NFKB1: variants seen among roughly 807,000 people sequenced by gnomAD.
The protein encoded by NFKB1 is nuclear factor NF-kappa-B p105 subunit.
A neutral mutation model predicts 105.1 loss-of-function variants in NFKB1; 9 were observed. The observed-to-expected ratio is 0.09, with a 90% CI of 0.05 to 0.15. The LOEUF (loss-of-function observed/expected upper bound fraction) is 0.15, where lower values mean the gene tolerates loss of function less well. NFKB1 is among the 10% of genes least tolerant of loss of function. NFKB1 has a pLI of 1.00. For missense variants in NFKB1, 830 were observed against 1,203.7 expected, an observed-to-expected ratio of 0.69 and a Z score of 4.59; for synonymous variants, 440 against 442.2, an observed-to-expected ratio of 1.00 and a Z score of 0.06.
chr4:102,523,771 A>G (rs1461681272), intron 1 of NFKB1, among the ~76,000 whole-genome samples: 3 of 152,204 alleles, frequency 2.0e-5, no homozygotes, highest in African/African-American at 7.2e-5. Flanking sequence ...TCCATGTCTG[A>G]GTTTTTATGG....
intron 6 of NFKB1, among the ~76,000 whole-genome samples, chr4:102,570,029 A>G (rs1364742735): frequency 4.6e-5 from 7 of 152,128 alleles, no homozygotes; most frequent in Non-Finnish European, 8.8e-5. Flanking sequence ...TAGTTCGTTG[A>G]CATTTTTATT....
At chr4:102,583,452 G>A (rs901814120) in intron 10 of NFKB1, among the ~76,000 whole-genome samples, 5 of 152,106 alleles carry the variant, frequency 3.3e-5, no homozygotes, top group Admixed American at 1.3e-4. Context: ...CTGTTAGATC[G>A]TTTGCTCTGA....
chr4:102,511,756 G>A (rs1048210357), intron 1 of NFKB1, among the ~76,000 whole-genome samples: 10 of 152,268 alleles, frequency 6.6e-5, no homozygotes, highest in Admixed American at 5.2e-4. Flanking sequence ...AGCTAAAAAA[G>A]TACACAAATA....
intron 5 of NFKB1, among the ~76,000 whole-genome samples, chr4:102,566,435 C>G (rs1723875511): frequency 6.6e-6 from 1 of 152,302 alleles, no homozygotes; most frequent in South Asian, 2.1e-4. Context: ...TAAGAGATGA[C>G]TGGAGGCCAA....
rs532250312 is a variant in NFKB1 at position 102,510,963 on chromosome 4, A to G, written c.-8+9175A>G. Reference sequence around the variant, plus strand: ...AAGAACCACCAGGTAAACTAAAAAGAAAAAGAGTGTTAAAAAGTCAGCCTT... The same window carrying G: ...AAGAACCACCAGGTAAACTAAAAAGGAAAAGAGTGTTAAAAAGTCAGCCTT... On this transcript the variant is annotated intron_variant, in intron 1 of 23. Transcript: ENST00000226574. 227 of 1,282,378 alleles carry G rather than the reference A, an allele frequency of 1.8e-4. 2 individuals carry two copies. The South Asian group carries it at 2.7e-3, about 15-fold the overall frequency. The allele number at this position is 1,282,378 out of a possible 1,614,324, so 79.4% of individuals were successfully genotyped here.
At chr4:102,546,250 A>C (rs1578745937) in intron 5 of NFKB1, among the ~76,000 whole-genome samples, 1 of 152,120 alleles carries the variant, frequency 6.6e-6, no homozygotes, top group East Asian at 1.9e-4. Flanking sequence ...ATTGGTTAAC[A>C]CCTGACTCCA....
intron 5 of NFKB1, among the ~76,000 whole-genome samples, chr4:102,562,197 C>T (rs961120142): frequency 3.9e-5 from 6 of 152,130 alleles, no homozygotes; most frequent in Non-Finnish European, 5.9e-5. Flanking sequence ...CCTTTGGCCT[C>T]ACCCACCCCC....
chr4:102,609,610 T>TG (rs1728199031), intron 19 of NFKB1, among the ~76,000 whole-genome samples: 2 of 33,144 alleles, frequency 6.0e-5, no homozygotes, highest in Non-Finnish European at 9.4e-5. Flanking sequence ...AGACTCCATC[T>TG]CAAAAAAAAA....
intron 10 of NFKB1, 120 bp from the exon 11 acceptor site, chr4:102,584,562 C>A: frequency 1.1e-6 from 1 of 952,156 alleles, no homozygotes; most frequent in South Asian, 2.7e-5. Context: ...TTTTTTAGTA[C>A]ACTGTGTCTA....
rs1358758777 is a variant in NFKB1 at position 102,555,479 on chromosome 4, G to A, written c.259-11508G>A. Among the ~76,000 whole-genome samples, 7 of 152,296 alleles carry A rather than the reference G, an allele frequency of 4.6e-5. 1 individual carries two copies. The South Asian group carries it at 1.5e-3, about 32-fold the overall frequency. ...AATACCTGAATCACCAGCATAACCA[G>A]CACCTGCGGCTGCCATGTGGGAATT... On this transcript the variant is annotated intron_variant, in intron 5 of 23. Coordinates refer to ENST00000226574, the MANE Select transcript of NFKB1 (RefSeq NM_003998.4).
At chr4:102,533,820 T>G in intron 3 of NFKB1, 25 bp from the exon 4 acceptor site, 1 of 1,605,080 alleles carries the variant, frequency 6.2e-7, no homozygotes, top group Non-Finnish European at 8.5e-7. Flanking sequence ...TTCTTTTGGT[T>G]TCTGTTTGTT....
At chr4:102,517,120 T>A (rs1049546268) in intron 1 of NFKB1, among the ~76,000 whole-genome samples, 1 of 152,216 alleles carries the variant, frequency 6.6e-6, no homozygotes, top group Non-Finnish European at 1.5e-5. Flanking sequence ...AGATGACCCC[T>A]ATGTAGATTT....
At chr4:102,515,545 T>A (rs1301975026) in intron 1 of NFKB1, among the ~76,000 whole-genome samples, 1 of 152,212 alleles carries the variant, frequency 6.6e-6, no homozygotes, top group Non-Finnish European at 1.5e-5. Context: ...TTTAGTGTTT[T>A]AAATTCCATT....
chr4:102,548,870 A>G (rs995960200), intron 5 of NFKB1, among the ~76,000 whole-genome samples: 4 of 152,054 alleles, frequency 2.6e-5, no homozygotes, highest in South Asian at 2.1e-4. Flanking sequence ...TGTTTACGGC[A>G]TCCATAACCC....
chr4:102,561,273 T>TC (rs202190569), intron 5 of NFKB1, among the ~76,000 whole-genome samples: 1 of 102,308 alleles, frequency 9.8e-6, no homozygotes, highest in African/African-American at 4.4e-5. Context: ...TCCTTTTTTT[T>TC]TTTTTTTTTG....
intron 1 of NFKB1, among the ~76,000 whole-genome samples, chr4:102,524,297 G>A (rs967523002): frequency 6.6e-6 from 1 of 152,194 alleles, no homozygotes; most frequent in African/African-American, 2.4e-5. Context: ...GCTAGGGCCT[G>A]CAGTATATTA....
At chr4:102,594,788 T>A in intron 12 of NFKB1, 104 bp from the exon 13 acceptor site, 1 of 743,826 alleles carries the variant, frequency 1.3e-6, no homozygotes, top group Non-Finnish European at 2.3e-6. Flanking sequence ...AATACTGTCC[T>A]GTCACACCAA....
intron 11 of NFKB1, among the ~76,000 whole-genome samples, chr4:102,591,171 A>G (rs1340483167): frequency 4.6e-5 from 7 of 152,212 alleles, no homozygotes; most frequent in Non-Finnish European, 7.3e-5. Context: ...CAGAAAATTG[A>G]TGAAGGTGGC....
chr4:102,590,253 C>G (rs1331487808), intron 11 of NFKB1, among the ~76,000 whole-genome samples: 1 of 152,186 alleles, frequency 6.6e-6, no homozygotes, highest in Non-Finnish European at 1.5e-5. Flanking sequence ...AATACCATCC[C>G]CTACACATTA....
Sources: gnomAD v4.1 joint callset for allele counts (sites outside exome capture counted in the v4.1 genomes callset) on GRCh38, gnomAD v4.1.1 for gene constraint, MANE v1.5 for transcripts, NCBI Gene and HGNC (gene_info 2026-07-23, HGNC 2026-07-21) for gene names.